DOP1B: variants seen among roughly 807,000 people sequenced by gnomAD.
DOP1B encodes the protein protein DOP1B.
Under a neutral mutation model 233.5 loss-of-function variants are expected in DOP1B, and 174 were observed. That is an observed-to-expected ratio of 0.75 (90% CI 0.66 to 0.85). The LOEUF is 0.85. Among genes scored for constraint, DOP1B ranks in the 40% least tolerant of loss-of-function variants. The pLI, the probability that DOP1B is intolerant of heterozygous loss-of-function variation, is 0.00. For missense variants in DOP1B, 2,652 were observed against 2,846.6 expected, an observed-to-expected ratio of 0.93 and a Z score of 1.56; for synonymous variants, 1,190 against 1,185.6, an observed-to-expected ratio of 1.00 and a Z score of -0.08.
At chr21:36,196,937 C>T (rs866828303) in intron 2 of DOP1B, among the ~76,000 whole-genome samples, 1 of 148,002 alleles carries the variant, frequency 6.8e-6, no homozygotes, top group Non-Finnish European at 1.5e-5. Context: ...CTAGTTATAT[C>T]TGATTTTTTT....
intron 24 of DOP1B, among the ~76,000 whole-genome samples, chr21:36,262,973 G>T (rs1019371530): frequency 6.6e-6 from 1 of 151,758 alleles, no homozygotes; most frequent in African/African-American, 2.4e-5. Context: ...AGTGGCTCAC[G>T]CCTGTAATCC....
chr21:36,270,690 G>A (rs2067278554), intron 27 of DOP1B, among the ~76,000 whole-genome samples: 1 of 151,532 alleles, frequency 6.6e-6, no homozygotes, highest in Admixed American at 6.6e-5. Flanking sequence ...GAGGTGGGTG[G>A]ATCACCTGAG....
intron 32 of DOP1B, among the ~76,000 whole-genome samples, chr21:36,281,964 C>T (rs1409357735): frequency 6.6e-6 from 1 of 152,144 alleles, no homozygotes; most frequent in Non-Finnish European, 1.5e-5. Flanking sequence ...AGCTGACCTG[C>T]CCTCACTGCC....
At chr21:36,283,892 T>TAA (rs2067447872) in intron 32 of DOP1B, among the ~76,000 whole-genome samples, 1 of 150,546 alleles carries the variant, frequency 6.6e-6, no homozygotes, top group Non-Finnish European at 1.5e-5. Context: ...ATGTACCTGA[T>TAA]AACCCTTTCA....
chr21:36,199,354 G>A (rs1460114645), intron 3 of DOP1B, 103 bp downstream of exon 3: 4 of 1,422,942 alleles, frequency 2.8e-6, no homozygotes, highest in Non-Finnish European at 3.8e-6. Flanking sequence ...GCGTAGGGCT[G>A]TGTGTGCAAC....
chr21:36,187,706 C>G (rs1443974391), intron 2 of DOP1B, among the ~76,000 whole-genome samples: 2 of 152,142 alleles, frequency 1.3e-5, no homozygotes, highest in Admixed American at 1.3e-4. Context: ...CTCCTAGTTC[C>G]AAGTGATCCT....
intron 2 of DOP1B, among the ~76,000 whole-genome samples, chr21:36,190,384 C>G (rs2066218074): frequency 6.7e-6 from 1 of 148,964 alleles, no homozygotes. Context: ...TTTTTCCTGG[C>G]CAGTTCATCT....
Position 36,232,968 on chromosome 21 carries a change from A to G in DOP1B, c.2515A>G (p.Lys839Glu), listed in dbSNP as rs1263316118. ...LVIEDKMKRY[K>E]SSGHNPFFGK... is the part of the protein sequence containing the mutation. ...CATTGAAGACAAGATGAAACGCTAT[A>G]AGAGCTCTGGACACAACCCTTTTTT... Residue 839 changes from lysine to glutamate, a missense_variant, in exon 15 of 37, where the codon AAG (lysine) becomes GAG (glutamate). Around this residue, in one of 3 missense-constraint regions of DOP1B, gnomAD observed 2,617 missense variants for 2,794.3 expected, o/e 0.94. Coordinates refer to ENST00000691173, the MANE Select transcript of DOP1B (RefSeq NM_001320714.2). 3 of 1,613,986 alleles carry G rather than the reference A, an allele frequency of 1.9e-6. No individual in the cohort carries two copies. The highest frequency in any genetic ancestry group is 2.7e-5 in the African/African-American group (2 of 74,902).
At chr21:36,174,767 T>C (rs1340018989) in intron 2 of DOP1B, among the ~76,000 whole-genome samples, 1 of 152,152 alleles carries the variant, frequency 6.6e-6, no homozygotes, top group African/African-American at 2.4e-5. Context: ...CACAAAGTGC[T>C]GGAATTATAG....
In DOP1B at chr21:36,199,039, C is replaced by T. The variant is rs769985018; in HGVS notation, c.139-31C>T. The T allele has an allele frequency of 1.9e-6, 3 of 1,599,228 alleles. No homozygotes were observed. In the South Asian group the frequency reaches 3.4e-5, roughly 18 times the overall value. The stretch of plus-strand genomic sequence containing the variant: ...CCATTGTAAATATCGCTGCCTTCTT[C>T]CTCATGTGTTTTTTTTGTCTTGTTT... On this transcript the variant is annotated intron_variant, in intron 2 of 36. Transcript: ENST00000691173.
intron 22 of DOP1B, among the ~76,000 whole-genome samples, chr21:36,252,176 A>G (rs1394454933): frequency 4.8e-5 from 3 of 63,096 alleles, no homozygotes; most frequent in Admixed American, 1.7e-4. Flanking sequence ...GTCCCTATCT[A>G]AAAAAAAAAA....
At chr21:36,257,771 G>C (rs113347144) in intron 23 of DOP1B, among the ~76,000 whole-genome samples, 1 of 121,474 alleles carries the variant, frequency 8.2e-6, no homozygotes, top group Non-Finnish European at 1.7e-5. Flanking sequence ...GGTAGGTAGA[G>C]AGATGTAGGT....
intron 1 of DOP1B, among the ~76,000 whole-genome samples, chr21:36,163,375 G>A (rs1484752921): frequency 6.7e-6 from 1 of 149,624 alleles, no homozygotes; most frequent in African/African-American, 2.5e-5. Context: ...AAAGAAAGTA[G>A]TGGTGGCCTG....
chr21:36,269,297 A>G (rs910950598), intron 26 of DOP1B, among the ~76,000 whole-genome samples: 1 of 151,948 alleles, frequency 6.6e-6, no homozygotes, highest in African/African-American at 2.4e-5. Flanking sequence ...CTGGGATTAC[A>G]GGCATGCACC....
rs1483552670 is a variant in DOP1B at position 36,281,553 on chromosome 21, T to A, written c.6102T>A (p.Ala2034=). Residue 2034 remains alanine, a synonymous_variant, in exon 32 of 37, where the codon GCT becomes GCA. Coordinates refer to ENST00000691173, the MANE Select transcript of DOP1B (RefSeq NM_001320714.2). ...AAGCCATGCTGTTAAAGCGCCAGGC[T>A]TTTGCTGTCTTCAGTGGAGAACTTG... is the stretch of plus-strand genomic sequence containing the variant. The part of the protein sequence containing the change: ...EQKAMLLKRQ[A]FAVFSGELDQ... 6.2e-7 allele frequency: 1 copy of A among 1,610,154 alleles called. No homozygotes were observed.
At chr21:36,167,836 T>C (rs1465504385) in intron 2 of DOP1B, among the ~76,000 whole-genome samples, 1 of 152,080 alleles carries the variant, frequency 6.6e-6, no homozygotes, top group Non-Finnish European at 1.5e-5. Context: ...GTTCTTAAGG[T>C]TCATCCATGT....
chr21:36,243,908 A>G (rs1209512162), intron 18 of DOP1B, among the ~76,000 whole-genome samples: 4 of 151,738 alleles, frequency 2.6e-5, no homozygotes, highest in African/African-American at 9.7e-5. Flanking sequence ...CTTGGGATCA[A>G]GCAATCCTCC....
At chr21:36,289,427 GTGTGTGTGTGT>G (rs1569074174) in intron 35 of DOP1B, among the ~76,000 whole-genome samples, 2 of 10,210 alleles carry the variant, frequency 2.0e-4, no homozygotes, top group African/African-American at 1.9e-3. Flanking sequence ...TTTCTATGGT[GTGTGTGTGTGT>G]GTGTGTGTGT....
At chr21:36,199,378 GC>G in intron 3 of DOP1B, 127 bp downstream of exon 3, 1 of 1,206,464 alleles carries the variant, frequency 8.3e-7, no homozygotes, top group Non-Finnish European at 1.1e-6. Context: ...TTATCATAAA[GC>G]CATCACCAGG....
Sources: gnomAD v4.1 joint callset for allele counts (sites outside exome capture counted in the v4.1 genomes callset) on GRCh38, gnomAD v4.1.1 for gene constraint, gnomAD v4.1.1 regional missense constraint, MANE v1.5 for transcripts, NCBI Gene and HGNC (gene_info 2026-07-23, HGNC 2026-07-21) for gene names.